MEOX2: variants seen among roughly 807,000 people sequenced by gnomAD.
MEOX2 encodes the protein homeobox protein MOX-2.
Under a neutral mutation model 27.0 loss-of-function variants are expected in MEOX2, and 11 were observed. The observed-to-expected ratio is 0.41, with a 90% CI of 0.26 to 0.68. MEOX2 has a LOEUF of 0.68. Ranked by LOEUF, MEOX2 falls within the 30% of genes least tolerant of loss-of-function variation. The pLI is 0.33. For synonymous variants in MEOX2, 189 were observed against 155.4 expected (o/e 1.22, Z -1.61); for missense variants, 436 against 385.4 (o/e 1.13, Z -1.10).
intron 1 of MEOX2, among the ~76,000 whole-genome samples, chr7:15,675,029 A>C (rs1363468501): frequency 1.3e-5 from 2 of 152,188 alleles, no homozygotes; most frequent in Non-Finnish European, 2.9e-5. Context: ...TTATCCAAAC[A>C]CAAAAAAAGG....
At chr7:15,620,210 A>G (rs1359873783) in intron 2 of MEOX2, among the ~76,000 whole-genome samples, 1 of 152,156 alleles carries the variant, frequency 6.6e-6, no homozygotes, top group Non-Finnish European at 1.5e-5. Flanking sequence ...AGTTAAGCAA[A>G]TAAAACATCT....
chr7:15,658,708 AC>A (rs1402384786), intron 1 of MEOX2, among the ~76,000 whole-genome samples: 1 of 152,132 alleles, frequency 6.6e-6, no homozygotes, highest in South Asian at 2.1e-4. Context: ...CAGGATTTGC[AC>A]CCTTATAAGA....
chr7:15,647,375 A>G (rs1392804941), intron 1 of MEOX2, among the ~76,000 whole-genome samples: 2 of 152,236 alleles, frequency 1.3e-5, no homozygotes, highest in African/African-American at 4.8e-5. Context: ...AAATGGTAAG[A>G]TATTTCCAGA....
rs139719212 is a variant in MEOX2, at chr7:15,653,985, C to G, written c.518-27067G>C. On this transcript the variant is annotated intron_variant, in intron 1 of 2. Transcript: ENST00000262041. ...ATTTGATAGACTGACATAAAACTTA[C>G]AGCAAATTGGGGGAAATTGACATCT... 9.9e-5 allele frequency among the ~76,000 whole-genome samples: 15 copies of G among 152,026 alleles called. 1 individual carries two copies. Among genetic ancestry groups the G allele is most frequent in the African/African-American group, 2.6e-4 (11 of 41,536 alleles).
intron 1 of MEOX2, among the ~76,000 whole-genome samples, chr7:15,651,248 A>G (rs1225405975): frequency 6.6e-6 from 1 of 152,060 alleles, no homozygotes; most frequent in East Asian, 1.9e-4. Context: ...CTATGAAAAT[A>G]TCCACGCTCC....
In MEOX2 at chr7:15,611,496, T is replaced by C. The variant is rs1472976848; in HGVS notation, c.*891A>G. On this transcript the variant is annotated 3_prime_UTR_variant, in exon 3 of 3. Coordinates refer to ENST00000262041, the MANE Select transcript of MEOX2 (RefSeq NM_005924.5). Reference sequence around the variant, plus strand: ...AGACAATGTCTGTCATACAAAGCTCTTTCTGCAAGGTAACTGATTTGCCTA... The same window carrying C: ...AGACAATGTCTGTCATACAAAGCTCCTTCTGCAAGGTAACTGATTTGCCTA... The C allele has an allele frequency of 6.5e-6, 1 of 152,676 alleles. No individual in the cohort carries two copies. 9.5% of individuals were successfully genotyped at this position (152,676 alleles called of 1,614,324 possible).
intron 1 of MEOX2, among the ~76,000 whole-genome samples, chr7:15,630,788 C>G (rs1167420377): frequency 6.6e-6 from 1 of 151,936 alleles, no homozygotes; most frequent in Non-Finnish European, 1.5e-5. Context: ...TGAAATCATT[C>G]TATTGGTGCT....
chr7:15,661,841 T>G (rs2115384218), intron 1 of MEOX2, among the ~76,000 whole-genome samples: 1 of 152,284 alleles, frequency 6.6e-6, no homozygotes. Flanking sequence ...AATTATTCAG[T>G]AACAGATAAT....
At chr7:15,641,234 C>G (rs919641795) in intron 1 of MEOX2, among the ~76,000 whole-genome samples, 9 of 152,034 alleles carry the variant, frequency 5.9e-5, no homozygotes, top group African/African-American at 1.9e-4. Context: ...CAATGTCTTC[C>G]TGGTTCTCTC....
chr7:15,613,955 A>G (rs1781076649), intron 2 of MEOX2, among the ~76,000 whole-genome samples: 1 of 151,710 alleles, frequency 6.6e-6, no homozygotes, highest in Non-Finnish European at 1.5e-5. Flanking sequence ...GCTGCTATCT[A>G]TCTTCTCTCA....
intron 2 of MEOX2, among the ~76,000 whole-genome samples, chr7:15,625,563 T>G (rs1310839832): frequency 6.6e-6 from 1 of 152,192 alleles, no homozygotes; most frequent in Non-Finnish European, 1.5e-5. Context: ...TCTTAAGACA[T>G]GCATTCATTT....
intron 2 of MEOX2, among the ~76,000 whole-genome samples, chr7:15,619,532 G>A (rs1049662694): frequency 1.4e-4 from 22 of 152,066 alleles, no homozygotes; most frequent in African/African-American, 5.3e-4. Flanking sequence ...TTTACAGCAA[G>A]AATCAGAGGA....
At chr7:15,617,092 C>G (rs1374887351) in intron 2 of MEOX2, among the ~76,000 whole-genome samples, 1 of 151,956 alleles carries the variant, frequency 6.6e-6, no homozygotes, top group Non-Finnish European at 1.5e-5. Context: ...AAAGTTGAAT[C>G]TATATAATGC....
chr7:15,649,960 A>G (rs1781710798), intron 1 of MEOX2, among the ~76,000 whole-genome samples: 3 of 152,092 alleles, frequency 2.0e-5, no homozygotes, highest in Non-Finnish European at 4.4e-5. Flanking sequence ...CTAGAACCAT[A>G]TTAAATTGCC....
At chr7:15,618,629 G>C (rs566789207) in intron 2 of MEOX2, among the ~76,000 whole-genome samples, 5 of 151,936 alleles carry the variant, frequency 3.3e-5, no homozygotes, top group African/African-American at 1.2e-4. Context: ...TATATAAGAA[G>C]AGTAGAATAC....
chr7:15,622,189 C>A (rs1246406570), intron 2 of MEOX2, among the ~76,000 whole-genome samples: 7 of 152,064 alleles, frequency 4.6e-5, no homozygotes, highest in African/African-American at 1.5e-4. Context: ...TGCATGATAT[C>A]TTTCTTTTGA....
At chr7:15,656,441 T>C (rs932560380) in intron 1 of MEOX2, among the ~76,000 whole-genome samples, 2 of 151,764 alleles carry the variant, frequency 1.3e-5, no homozygotes, top group Admixed American at 1.3e-4. Context: ...GTTTTTCTTT[T>C]TTTTTTTCCT....
intron 1 of MEOX2, among the ~76,000 whole-genome samples, chr7:15,651,089 GT>G (rs1781726125): frequency 1.3e-5 from 2 of 151,986 alleles, no homozygotes; most frequent in South Asian, 4.1e-4. Flanking sequence ...GCCTGTGAAA[GT>G]CCTCGATTTT....
chr7:15,652,098 AG>A (rs1781740371), intron 1 of MEOX2, among the ~76,000 whole-genome samples: 1 of 152,108 alleles, frequency 6.6e-6, no homozygotes. Context: ...TAGGGATTTA[AG>A]ACTCAATTGC....
Sources: gnomAD v4.1 joint callset for allele counts (sites outside exome capture counted in the v4.1 genomes callset) on GRCh38, gnomAD v4.1.1 for gene constraint, MANE v1.5 for transcripts, NCBI Gene and HGNC (gene_info 2026-07-23, HGNC 2026-07-21) for gene names.